The following FNDC3B variants were observed in gnomAD, a reference collection of about 807,000 sequenced individuals.
FNDC3B encodes the protein fibronectin type III domain containing 3B.
Under a neutral mutation model 151.5 loss-of-function variants are expected in FNDC3B, and 12 were observed. The ratio of observed to expected loss-of-function variants is 0.08; its 90% confidence interval spans 0.05 to 0.13. The LOEUF is 0.13. FNDC3B is among the 10% of genes least tolerant of loss of function. The pLI is 1.00. For synonymous variants in FNDC3B, 528 were observed against 549.0 expected (o/e 0.96, Z 0.54); for missense variants, 1,214 against 1,505.3 (o/e 0.81, Z 3.20).
chr3:172,127,087 G>C (rs550867582), intron 2 of FNDC3B: 2 of 456,612 alleles, frequency 4.4e-6, no homozygotes, highest in Non-Finnish European at 8.8e-6. Flanking sequence ...AGATTTTATC[G>C]AGAGCATGAA....
chr3:172,332,031 T>C (rs565375631), intron 13 of FNDC3B, among the ~76,000 whole-genome samples: 28 of 152,148 alleles, frequency 1.8e-4, no homozygotes, highest in Non-Finnish European at 3.1e-4. Context: ...AGTGCGGTGG[T>C]GCAATCTTGG....
intron 3 of FNDC3B, among the ~76,000 whole-genome samples, chr3:172,146,625 A>T (rs563342114): frequency 6.6e-6 from 1 of 152,312 alleles, no homozygotes; most frequent in Non-Finnish European, 1.5e-5. Context: ...GTGCTTTCCC[A>T]CGTACATTTC....
intron 3 of FNDC3B, among the ~76,000 whole-genome samples, chr3:172,179,572 C>T (rs1237031181): frequency 2.0e-5 from 3 of 151,666 alleles, no homozygotes; most frequent in Middle Eastern, 3.4e-3. Flanking sequence ...CCACCACCTC[C>T]GACCTCCACC....
At chr3:172,171,690 A>G (rs1172371295) in intron 3 of FNDC3B, among the ~76,000 whole-genome samples, 1 of 149,390 alleles carries the variant, frequency 6.7e-6, no homozygotes, top group African/African-American at 2.5e-5. Context: ...ACAGCATGGC[A>G]TATTATTTAT....
intron 3 of FNDC3B, among the ~76,000 whole-genome samples, chr3:172,175,582 C>A (rs1723541244): frequency 6.6e-6 from 1 of 152,096 alleles, no homozygotes; most frequent in African/African-American, 2.4e-5. Context: ...TATTTAATTT[C>A]TTGAGTTCTT....
intron 23 of FNDC3B, among the ~76,000 whole-genome samples, chr3:172,367,075 T>C (rs531178268): frequency 6.7e-4 from 102 of 152,312 alleles, no homozygotes; most frequent in African/African-American, 2.4e-3. Context: ...CACCTGGACT[T>C]GCTATGTTGA....
intron 11 of FNDC3B, among the ~76,000 whole-genome samples, chr3:172,327,060 G>A (rs928485181): frequency 3.3e-5 from 5 of 152,052 alleles, no homozygotes; most frequent in African/African-American, 9.7e-5. Context: ...GAGTGTGATC[G>A]GATGCTGGGT....
chr3:172,304,802 C>G (rs2108239231), intron 9 of FNDC3B, among the ~76,000 whole-genome samples: 1 of 151,450 alleles, frequency 6.6e-6, no homozygotes, highest in African/African-American at 2.4e-5. Context: ...GGGGCCGAGG[C>G]AGGAGACTCA....
intron 6 of FNDC3B, among the ~76,000 whole-genome samples, chr3:172,266,264 C>G (rs955860132): frequency 2.6e-5 from 4 of 152,264 alleles, no homozygotes; most frequent in African/African-American, 9.6e-5. Flanking sequence ...AAGGTTAACA[C>G]AATGGAGGCA....
chr3:172,386,953 G>A (rs1338668821), intron 25 of FNDC3B, among the ~76,000 whole-genome samples: 1 of 151,956 alleles, frequency 6.6e-6, no homozygotes, highest in African/African-American at 2.4e-5. Context: ...CTATTTTAAA[G>A]TCTTGGAGCC....
chr3:172,367,892 AC>A (rs1734707630), intron 23 of FNDC3B, among the ~76,000 whole-genome samples: 1 of 152,134 alleles, frequency 6.6e-6, no homozygotes, highest in Non-Finnish European at 1.5e-5. Flanking sequence ...GATAATTACC[AC>A]TTGCTCTCCA....
At chr3:172,048,735 T>C (rs188938696) in intron 1 of FNDC3B, among the ~76,000 whole-genome samples, 1 of 152,316 alleles carries the variant, frequency 6.6e-6, no homozygotes, top group Non-Finnish European at 1.5e-5. Flanking sequence ...AATATGGTAT[T>C]ATATATTGGA....
At chr3:172,389,500 C>T (rs1206143819) in intron 25 of FNDC3B, among the ~76,000 whole-genome samples, 1 of 152,144 alleles carries the variant, frequency 6.6e-6, no homozygotes, top group African/African-American at 2.4e-5. Context: ...ATTTGGATCA[C>T]TTTAAAAACT....
chr3:172,138,930 C>A (rs1343686296), intron 3 of FNDC3B, among the ~76,000 whole-genome samples: 1 of 152,218 alleles, frequency 6.6e-6, no homozygotes, highest in Non-Finnish European at 1.5e-5. Context: ...CTCCATAAGA[C>A]TTCTTCAGCT....
chr3:172,345,678 A>C (rs968265318), intron 19 of FNDC3B, among the ~76,000 whole-genome samples: 2 of 152,112 alleles, frequency 1.3e-5, no homozygotes, highest in Non-Finnish European at 2.9e-5. Flanking sequence ...AAACCTTTGA[A>C]GTATCAAATA....
At position 172,112,403 on chromosome 3, in the gene FNDC3B, G is replaced by A. The variant is rs369221786; in HGVS notation, c.-28-49G>A. ...TTATGTGACTTGTTGTGTTACAGGT[G>A]ATTTTTGTGGTTCTGAGTCCTTTTT... On this transcript the variant is annotated intron_variant, in intron 1 of 25. Coordinates refer to ENST00000415807, the MANE Select transcript of FNDC3B (RefSeq NM_022763.4). 7.6e-6 allele frequency: 7 copies of A among 926,654 alleles called. No homozygotes were observed. The East Asian group carries it at 1.4e-4, about 19-fold the overall frequency. 57.4% of individuals were successfully genotyped at this position (926,654 alleles called of 1,614,324 possible). A position where few individuals can be genotyped will look rare whatever the true frequency, so the allele number is the denominator to read the frequency against.
chr3:172,283,272 C>T (rs748343354), intron 6 of FNDC3B, among the ~76,000 whole-genome samples: 1 of 151,970 alleles, frequency 6.6e-6, no homozygotes, highest in Non-Finnish European at 1.5e-5. Context: ...TAGCCTCTTT[C>T]TCTATTTTTT....
intron 4 of FNDC3B, among the ~76,000 whole-genome samples, chr3:172,244,905 C>T (rs1010806386): frequency 2.6e-5 from 4 of 152,018 alleles, no homozygotes; most frequent in Admixed American, 6.6e-5. Flanking sequence ...GGATTACAGG[C>T]GTGAGCCACT....
intron 4 of FNDC3B, among the ~76,000 whole-genome samples, chr3:172,232,449 G>T (rs1487170158): frequency 6.6e-6 from 1 of 152,160 alleles, no homozygotes; most frequent in African/African-American, 2.4e-5. Flanking sequence ...TGTTTTCTTA[G>T]GTTGAGAAGG....
Sources: allele counts gnomAD v4.1 joint callset (sites outside exome capture counted in the v4.1 genomes callset), GRCh38; gene constraint gnomAD v4.1.1; transcripts MANE v1.5; gene names NCBI Gene and HGNC (gene_info 2026-07-23, HGNC 2026-07-21).